Variants in FAM13C observed in about 807,000 individuals in gnomAD.
FAM13C encodes family with sequence similarity 13 member C, also known as protein FAM13C.
Under a neutral mutation model 73.2 loss-of-function variants are expected in FAM13C, and 37 were observed. The observed-to-expected ratio is 0.51, with a 90% CI of 0.39 to 0.67. FAM13C has a LOEUF of 0.67. Ranked by LOEUF, FAM13C falls within the 30% of genes least tolerant of loss-of-function variation. The pLI is 0.00. For missense variants in FAM13C, 589 were observed against 715.6 expected, an observed-to-expected ratio of 0.82 and a Z score of 2.02; for synonymous variants, 246 against 260.9, an observed-to-expected ratio of 0.94 and a Z score of 0.55.
At chr10:59,283,637 A>G in intron 5 of FAM13C, 190 bp from the exon 6 acceptor site, 1 of 649,354 alleles carries the variant, frequency 1.5e-6, no homozygotes, top group South Asian at 1.7e-5. Context: ...CAGCTGCTTC[A>G]GGGAAAGAAC....
At chr10:59,307,831 A>G (rs1283406612) in intron 4 of FAM13C, among the ~76,000 whole-genome samples, 3 of 152,248 alleles carry the variant, frequency 2.0e-5, no homozygotes, top group African/African-American at 7.2e-5. Flanking sequence ...CATGAGAAAC[A>G]GAAGGCGAGA....
At chr10:59,343,106 T>A (rs1203471146) in intron 3 of FAM13C, among the ~76,000 whole-genome samples, 1 of 152,210 alleles carries the variant, frequency 6.6e-6, no homozygotes, top group African/African-American at 2.4e-5. Flanking sequence ...ATCACTCCAA[T>A]CTTATAGCGA....
chr10:59,254,933 G>GT (rs745604542), intron 10 of FAM13C, among the ~76,000 whole-genome samples: 1 of 152,062 alleles, frequency 6.6e-6, no homozygotes, highest in African/African-American at 2.4e-5. Context: ...GCACATGCCA[G>GT]TTTTTTTCTT....
intron 4 of FAM13C, among the ~76,000 whole-genome samples, chr10:59,312,588 G>C (rs1352887754): frequency 1.3e-5 from 2 of 152,110 alleles, no homozygotes; most frequent in African/African-American, 2.4e-5. Context: ...TCTAGACTTA[G>C]ACAAAATCCA....
intron 3 of FAM13C, among the ~76,000 whole-genome samples, chr10:59,345,178 T>C (rs1484521882): frequency 6.6e-6 from 1 of 152,146 alleles, no homozygotes; most frequent in Non-Finnish European, 1.5e-5. Context: ...GATCAGTCCT[T>C]GCCATCCTCC....
At chr10:59,319,912 C>T (rs1463456785) in intron 4 of FAM13C, among the ~76,000 whole-genome samples, 1 of 152,146 alleles carries the variant, frequency 6.6e-6, no homozygotes, top group Non-Finnish European at 1.5e-5. Context: ...AACATGTCAT[C>T]TGGGGAAAAG....
At position 59,354,095 on chromosome 10, in the gene FAM13C, G is replaced by A. The variant is rs147449713; in HGVS notation, c.120-1621C>T. On this transcript the variant is annotated intron_variant, in intron 2 of 13. Coordinates refer to ENST00000618804, the MANE Select transcript of FAM13C (RefSeq NM_198215.4). ...TACAGTTACCTAAATGCCCTCATTC[G>A]AGTAGGATTATAGAACACTCAAGAA... Among the ~76,000 whole-genome samples the A allele has an allele frequency of 2.7e-3, 410 of 152,258 alleles. 1 individual carries two copies. The highest frequency in any genetic ancestry group is 0.013 in the South Asian group (65 of 4,820).
At chr10:59,347,524 T>A (rs1207221089) in intron 3 of FAM13C, among the ~76,000 whole-genome samples, 6 of 152,162 alleles carry the variant, frequency 3.9e-5, no homozygotes, top group Non-Finnish European at 7.3e-5. Context: ...ACCTATTTTT[T>A]TTTTTAATTT....
intron 6 of FAM13C, among the ~76,000 whole-genome samples, chr10:59,273,130 C>T (rs898213616): frequency 2.0e-5 from 3 of 152,172 alleles, no homozygotes; most frequent in Non-Finnish European, 4.4e-5. Context: ...GTTACTTATG[C>T]TTACGCTTCA....
intron 1 of FAM13C, chr10:59,361,235 C>A: frequency 2.1e-6 from 1 of 486,112 alleles, no homozygotes; most frequent in East Asian, 7.3e-5. Flanking sequence ...AGTGACTCCA[C>A]TTAAGTCTGC....
At chr10:59,298,927 A>G (rs1847237726) in intron 5 of FAM13C, among the ~76,000 whole-genome samples, 1 of 152,210 alleles carries the variant, frequency 6.6e-6, no homozygotes, top group Non-Finnish European at 1.5e-5. Flanking sequence ...AACTTTTAGT[A>G]GAGAGTAAAA....
At chr10:59,295,753 G>T (rs559400021) in intron 5 of FAM13C, among the ~76,000 whole-genome samples, 4 of 152,224 alleles carry the variant, frequency 2.6e-5, no homozygotes, top group African/African-American at 9.6e-5. Context: ...TAAATAATTT[G>T]TCCCTAAAAA....
intron 3 of FAM13C, among the ~76,000 whole-genome samples, chr10:59,329,085 G>A (rs1387917741): frequency 2.6e-5 from 4 of 152,090 alleles, no homozygotes; most frequent in African/African-American, 9.7e-5. Context: ...AGAGCGTCCT[G>A]TACGAGTTGA....
intron 6 of FAM13C, among the ~76,000 whole-genome samples, chr10:59,278,018 G>A (rs181967073): frequency 9.0e-4 from 137 of 152,294 alleles, no homozygotes; most frequent in African/African-American, 3.2e-3. Flanking sequence ...ACAGCTCCAC[G>A]TGGCTGTGGA....
rs1192495288 is a variant in FAM13C at position 59,355,871 on chromosome 10, C to A, written c.119+16G>T. 6.2e-7 allele frequency: 1 copy of A among 1,613,172 alleles called. No homozygotes were observed. The highest frequency in any genetic ancestry group is 8.5e-7 in the Non-Finnish European group (1 of 1,179,318). ...CTGTCTCTCACAAATATGAACCAAG[C>A]AATGGTGGCTTTTACCTGAGACTGG... On this transcript the variant is annotated intron_variant, in intron 2 of 13. Coordinates refer to ENST00000618804, the MANE Select transcript of FAM13C (RefSeq NM_198215.4).
chr10:59,330,055 G>A (rs764256958), intron 3 of FAM13C, among the ~76,000 whole-genome samples: 3 of 152,178 alleles, frequency 2.0e-5, no homozygotes, highest in African/African-American at 7.2e-5. Context: ...TCACCAGCTA[G>A]TGTGGAAATA....
At position 59,362,141 on chromosome 10, in the gene FAM13C, C is replaced by G. The variant is rs542077351; in HGVS notation, c.62+258G>C. ...TTTAAAAATCTGAGCTCCAAGAACA[C>G]ATATCTTGGAGCACTGAGCTCCTGC... is the stretch of plus-strand genomic sequence containing the variant. On this transcript the variant is annotated intron_variant, in intron 1 of 13. Coordinates refer to ENST00000618804, the MANE Select transcript of FAM13C (RefSeq NM_198215.4). 2.6e-5 allele frequency among the ~76,000 whole-genome samples: 4 copies of G among 152,222 alleles called. No individual in the cohort carries two copies. In the East Asian group the frequency reaches 7.8e-4, roughly 30 times the overall value.
intron 8 of FAM13C, among the ~76,000 whole-genome samples, chr10:59,266,640 T>A (rs1245904464): frequency 6.6e-6 from 1 of 152,224 alleles, no homozygotes; most frequent in African/African-American, 2.4e-5. Flanking sequence ...TGCTCCCTGA[T>A]CTGTCCTTCC....
At chr10:59,272,940 GCA>G (rs1843883040) in intron 6 of FAM13C, among the ~76,000 whole-genome samples, 1 of 152,050 alleles carries the variant, frequency 6.6e-6, no homozygotes, top group Non-Finnish European at 1.5e-5. Flanking sequence ...CATAAATTAG[GCA>G]CAGTAAGAGA....
Sources: allele counts gnomAD v4.1 joint callset (sites outside exome capture counted in the v4.1 genomes callset), GRCh38; gene constraint gnomAD v4.1.1; transcripts MANE v1.5; gene names NCBI Gene and HGNC (gene_info 2026-07-23, HGNC 2026-07-21).